The following CACNB2 variants were observed in gnomAD, a reference collection of about 807,000 sequenced individuals.
CACNB2 encodes voltage-dependent L-type calcium channel subunit beta-2.
In CACNB2, 42 loss-of-function variants were observed where a neutral mutation model predicts 73.3. The ratio of observed to expected loss-of-function variants is 0.57; its 90% CI spans 0.45 to 0.74. The LOEUF (loss-of-function observed/expected upper bound fraction) is 0.74, where lower values mean the gene tolerates loss of function less well. Among genes scored for constraint, CACNB2 ranks in the 30% least tolerant of loss-of-function variants. The probability of loss-of-function intolerance (pLI) is 0.00; values close to 1 mark genes in which losing one functional copy is unlikely to be tolerated. For missense variants in CACNB2, 940 were observed against 853.0 expected, an observed-to-expected ratio of 1.10 and a Z score of -1.27; for synonymous variants, 348 against 310.3, an observed-to-expected ratio of 1.12 and a Z score of -1.28.
At chr10:18,397,308 T>C (rs189609635) in intron 2 of CACNB2, among the ~76,000 whole-genome samples, 30 of 151,806 alleles carry the variant, frequency 2.0e-4, no homozygotes, top group Middle Eastern at 3.4e-3. Flanking sequence ...CTACTGAAAA[T>C]ACAAAAATTA....
In CACNB2 at chr10:18,264,504, C is replaced by T. The variant is rs142458999; in HGVS notation, c.213+113529C>T. On this transcript the variant is annotated intron_variant, in intron 2 of 13. Coordinates refer to ENST00000324631, the MANE Select transcript of CACNB2 (RefSeq NM_201596.3). Reference sequence around the variant, plus strand: ...AAGCATTGTGAGCAACCTTCTCCTCCCTTCCAATTCCAGCTGTCTCCCACC... The same window carrying T: ...AAGCATTGTGAGCAACCTTCTCCTCTCTTCCAATTCCAGCTGTCTCCCACC... Among the ~76,000 whole-genome samples, 435 of 152,270 alleles carry T rather than the reference C, an allele frequency of 2.9e-3. 1 individual carries two copies. The highest frequency in any genetic ancestry group is 0.014 in the Middle Eastern group (4 of 294).
intron 2 of CACNB2, among the ~76,000 whole-genome samples, chr10:18,284,260 T>G (rs2038689953): frequency 6.6e-6 from 1 of 152,084 alleles, no homozygotes; most frequent in South Asian, 2.1e-4. Flanking sequence ...TCAGGGCTCA[T>G]GAGACTTATT....
chr10:18,460,396 C>G (rs1438840129), intron 3 of CACNB2, among the ~76,000 whole-genome samples: 1 of 152,138 alleles, frequency 6.6e-6, no homozygotes, highest in Non-Finnish European at 1.5e-5. Flanking sequence ...TCACTTACAA[C>G]ATTTATACAC....
At chr10:18,284,911 T>TA (rs1447501819) in intron 2 of CACNB2, among the ~76,000 whole-genome samples, 2 of 152,224 alleles carry the variant, frequency 1.3e-5, no homozygotes, top group Non-Finnish European at 2.9e-5. Flanking sequence ...TAGGGAGTAC[T>TA]AAATCACAGA....
chr10:18,223,303 A>G (rs1285544561), intron 2 of CACNB2, among the ~76,000 whole-genome samples: 1 of 152,090 alleles, frequency 6.6e-6, no homozygotes, highest in African/African-American at 2.4e-5. Flanking sequence ...AATAATTACA[A>G]CTCCACAGCA....
At chr10:18,362,123 A>G (rs963064738) in intron 2 of CACNB2, among the ~76,000 whole-genome samples, 2 of 152,236 alleles carry the variant, frequency 1.3e-5, no homozygotes. Flanking sequence ...TTGTTTAACA[A>G]TTAACACTCA....
At chr10:18,457,994 T>C (rs1036321367) in intron 3 of CACNB2, among the ~76,000 whole-genome samples, 1 of 152,216 alleles carries the variant, frequency 6.6e-6, no homozygotes, top group African/African-American at 2.4e-5. Context: ...CTAATTGTTT[T>C]AGATAATTAC....
rs914388779 is a variant in CACNB2, at chr10:18,176,989, A to AG, written c.213+26017dup. Among the ~76,000 whole-genome samples, 4 of 151,922 alleles carry AG rather than the reference A, an allele frequency of 2.6e-5. No homozygotes were observed. In the East Asian group the frequency reaches 7.8e-4, roughly 30 times the overall value. ...GTGAGAAAGCGTATAGAGGTGAGGG[A>AG]GGGAGGTACCCTCCACATTTTAGGT... is the stretch of plus-strand genomic sequence containing the variant. On this transcript the variant is annotated intron_variant, in intron 2 of 13. Coordinates refer to ENST00000324631, the MANE Select transcript of CACNB2 (RefSeq NM_201596.3).
At chr10:18,411,588 A>G (rs2044631742) in intron 3 of CACNB2, among the ~76,000 whole-genome samples, 1 of 144,680 alleles carries the variant, frequency 6.9e-6, no homozygotes, top group Non-Finnish European at 1.5e-5. Flanking sequence ...GGCTCACTGC[A>G]GCCTCTGCCT....
At chr10:18,281,061 C>G (rs1377650678) in intron 2 of CACNB2, among the ~76,000 whole-genome samples, 5 of 152,218 alleles carry the variant, frequency 3.3e-5, no homozygotes, top group Non-Finnish European at 5.9e-5. Context: ...GAATTCAACC[C>G]TGGGCTATCT....
At chr10:18,177,358 G>A (rs1176416888) in intron 2 of CACNB2, among the ~76,000 whole-genome samples, 1 of 151,790 alleles carries the variant, frequency 6.6e-6, no homozygotes, top group Non-Finnish European at 1.5e-5. Context: ...AGTGGCTCAT[G>A]CCTATAATCC....
At chr10:18,248,732 G>T (rs761844602) in intron 2 of CACNB2, among the ~76,000 whole-genome samples, 19 of 152,090 alleles carry the variant, frequency 1.2e-4, no homozygotes. Context: ...AACCAACATC[G>T]TTTGATAGCC....
intron 3 of CACNB2, among the ~76,000 whole-genome samples, chr10:18,403,033 G>T (rs900608936): frequency 1.3e-5 from 2 of 152,274 alleles, no homozygotes; most frequent in South Asian, 4.1e-4. Flanking sequence ...ATGACCTCTA[G>T]TGCGGCTGCC....
At chr10:18,171,402 G>T (rs11012860) in intron 2 of CACNB2, among the ~76,000 whole-genome samples, 6,273 of 142,522 alleles carry the variant, frequency 0.044, 427 homozygotes, top group African/African-American at 0.15. Context: ...GATGCTGCCT[G>T]GACTGTGTCT....
chr10:18,380,706 C>T (rs2042981256), intron 2 of CACNB2, among the ~76,000 whole-genome samples: 1 of 152,032 alleles, frequency 6.6e-6, no homozygotes, highest in African/African-American at 2.4e-5. Flanking sequence ...CTGCCCACCT[C>T]AGCCTCCCAA....
chr10:18,540,331 AT>A lies in CACNB2; in HGVS notation c.*608del, dbSNP rs879928509. ...AAACAAACACCTTCTTATTATATAT[AT>A]AATATATATATATATCAGTTTGATC... On this transcript the variant is annotated 3_prime_UTR_variant, in exon 14 of 14. Coordinates refer to ENST00000324631, the MANE Select transcript of CACNB2 (RefSeq NM_201596.3). 6.7e-6 allele frequency: 1 copy of A among 149,500 alleles called. No homozygotes were observed. The highest frequency in any genetic ancestry group is 2.1e-4 in the South Asian group (1 of 4,780). The allele number at this position is 149,500 out of a possible 1,614,324, so 9.3% of individuals were successfully genotyped here. A position where few individuals can be genotyped will look rare whatever the true frequency, so the allele number is the denominator to read the frequency against.
chr10:18,249,466 C>T (rs1344009840), intron 2 of CACNB2, among the ~76,000 whole-genome samples: 1 of 152,184 alleles, frequency 6.6e-6, no homozygotes, highest in East Asian at 1.9e-4. Context: ...AGAAAATCTC[C>T]TTGAAAAATG....
At chr10:18,508,021 C>T (rs2050582781) in intron 6 of CACNB2, among the ~76,000 whole-genome samples, 1 of 152,048 alleles carries the variant, frequency 6.6e-6, no homozygotes, top group African/African-American at 2.4e-5. Context: ...AGGGATCCTC[C>T]TCCTCAGCCT....
chr10:18,496,403 A>G (rs1210780150), intron 3 of CACNB2, among the ~76,000 whole-genome samples: 2 of 152,216 alleles, frequency 1.3e-5, no homozygotes, highest in Admixed American at 1.3e-4. Flanking sequence ...TTGGAAATGA[A>G]AATGGGTTCT....
Sources: allele counts gnomAD v4.1 joint callset (sites outside exome capture counted in the v4.1 genomes callset), GRCh38; gene constraint gnomAD v4.1.1; transcripts MANE v1.5; gene names NCBI Gene and HGNC (gene_info 2026-07-23, HGNC 2026-07-21).